Variants in FAM131B observed in about 807,000 individuals in gnomAD.
The protein encoded by FAM131B is protein FAM131B.
In FAM131B, 19 loss-of-function variants were observed where a neutral mutation model predicts 42.0. That is an observed-to-expected ratio of 0.45 (90% CI 0.32 to 0.66). The LOEUF is 0.66. Among genes scored for constraint, FAM131B ranks in the 30% least tolerant of loss-of-function variants. The pLI is 0.05. For missense variants in FAM131B, 370 were observed against 468.4 expected, an observed-to-expected ratio of 0.79 and a Z score of 1.94; for synonymous variants, 183 against 177.6, an observed-to-expected ratio of 1.03 and a Z score of -0.24.
In FAM131B at chr7:143,356,743, G is replaced by T; in HGVS notation, c.890C>A (p.Ala297Glu). The T allele has an allele frequency of 6.2e-7, 1 of 1,614,086 alleles. No individual in the cohort carries two copies. Among genetic ancestry groups the T allele is most frequent in the Non-Finnish European group, 8.5e-7 (1 of 1,180,022 alleles). ...WAPGVGAVDL[A>E]RGPAEEEKRP... ...CTTCTCCTCCTCAGCAGGGCCCCTT[G>T]CCAGGTCCACTGCGCCTACCCCCGG... The change falls in exon 7 of 7, where the codon GCA becomes GAA. Residue 297 changes from alanine (A) to glutamate (E), a missense_variant. Physicochemically the swap from Ala to Glu is moderately radical, Grantham distance 107 (BLOSUM62 -1). Transcript: ENST00000443739. This position sits in a 1 kb window ranked among gnomAD's most constrained non-coding sequence, Gnocchi z 4.4.
chr7:143,356,760 T>G lies in FAM131B; in HGVS notation c.873A>C (p.Val291=). 6.2e-7 allele frequency: 1 copy of G among 1,614,108 alleles called. No homozygotes were observed. Among genetic ancestry groups the G allele is most frequent in the South Asian group, 1.1e-5 (1 of 91,078 alleles). ...LGGDTDWAPG[V]GAVDLARGPA... The stretch of plus-strand genomic sequence containing the variant: ...GGCCCCTTGCCAGGTCCACTGCGCC[T>G]ACCCCCGGAGCCCAGTCAGTGTCTC... Residue 291 remains valine, a synonymous_variant, in exon 7 of 7, where the codon GTA becomes GTC. Coordinates refer to ENST00000443739, the MANE Select transcript of FAM131B (RefSeq NM_001031690.3). The surrounding 1 kb of genome is among the most constrained non-coding windows in gnomAD (Gnocchi z 4.4).
the FAM131B span, among the ~76,000 whole-genome samples, chr7:143,370,334 T>G: frequency 6.6e-6 from 1 of 152,306 alleles, no homozygotes; most frequent in African/African-American, 2.4e-5. Flanking sequence ...TTCACTCTAC[T>G]GAAGCAGCTC....
chr7:143,380,114 C>T, the FAM131B span: 3 of 984,514 alleles, frequency 3.0e-6, no homozygotes, highest in Non-Finnish European at 3.6e-6. This position sits in a 1 kb window ranked among gnomAD's most constrained non-coding sequence, Gnocchi z 5.0. Context: ...TAAAAGCTGA[C>T]AAGAGGAGAG....
upstream of FAM131B, among the ~76,000 whole-genome samples, chr7:143,367,435 G>A (rs967419955): frequency 1.3e-5 from 2 of 152,054 alleles, no homozygotes; most frequent in Admixed American, 6.6e-5. Flanking sequence ...CTCTGGGCAC[G>A]GTGGCCCACA....
In FAM131B at chr7:143,356,281, AAGCCCAC is replaced by A; in HGVS notation, c.*262_*268del. 1 of 478,220 alleles carries A rather than the reference AAGCCCAC, an allele frequency of 2.1e-6. No individual in the cohort carries two copies. The highest frequency in any genetic ancestry group is 3.2e-5 in the South Asian group (1 of 31,244). The allele number at this position is 478,220 out of a possible 1,614,324, so 29.6% of individuals were successfully genotyped here. On this transcript the variant is annotated 3_prime_UTR_variant, in exon 7 of 7. Coordinates refer to ENST00000443739, the MANE Select transcript of FAM131B (RefSeq NM_001031690.3). The surrounding 1 kb of genome is among the most constrained non-coding windows in gnomAD (Gnocchi z 4.4). The stretch of plus-strand genomic sequence containing the variant: ...GGAGGCTTTGTCGGCACAGACCCAG[AAGCCCAC>A]AGCCCAGGTCCTTCTCCACAGCCAC...
At chr7:143,380,098 A>C in the FAM131B span, 1 of 985,318 alleles carries the variant, frequency 1.0e-6, no homozygotes, top group African/African-American at 1.7e-5. This position sits in a 1 kb window ranked among gnomAD's most constrained non-coding sequence, Gnocchi z 5.0. Context: ...AGGCCTCAGG[A>C]GGCAGTAAAA....
chr7:143,363,807 GGT>G (rs1804107908), upstream of FAM131B: 1 of 152,236 alleles, frequency 6.6e-6, no homozygotes, highest in Non-Finnish European at 1.5e-5. Flanking sequence ...GTCTCTCCGA[GGT>G]TGCAGAGAGA....
chr7:143,357,428 G>A lies in FAM131B; in HGVS notation c.467-5C>T, dbSNP rs762111414. On this transcript the variant is annotated splice_region_variant and splice_polypyrimidine_tract_variant and intron_variant, in intron 5 of 6. Transcript: ENST00000443739. ...TAGCAAACTGCTCCATGACGCCTGG[G>A]GGAAGAAATGCAACAACCACAAAAT... The A allele has an allele frequency of 6.2e-7, 1 of 1,602,938 alleles. No homozygotes were observed. The highest frequency in any genetic ancestry group is 8.5e-7 in the Non-Finnish European group (1 of 1,175,278).
In FAM131B at chr7:143,357,260, G is replaced by T; in HGVS notation, c.610+20C>A. ...GAGGCCTCATAGGCTCCAGAGTTTG[G>T]ATTCTGGAACATCTCTCACCCTGAC... On this transcript the variant is annotated intron_variant, in intron 6 of 6. Transcript: ENST00000443739. The T allele has an allele frequency of 6.2e-7, 1 of 1,612,650 alleles. No homozygotes were observed. Among genetic ancestry groups the T allele is most frequent in the South Asian group, 1.1e-5 (1 of 90,768 alleles).
At chr7:143,360,899 A>G (rs951730218) in intron 1 of FAM131B, 1 of 152,168 alleles carries the variant, frequency 6.6e-6, no homozygotes, top group Non-Finnish European at 1.5e-5. Flanking sequence ...CAGGGGAAGG[A>G]GGGTCCTTGT....
In FAM131B at chr7:143,359,644, G is replaced by C; in HGVS notation, c.174+88C>G. 7.7e-7 allele frequency: 1 copy of C among 1,297,768 alleles called. No individual in the cohort carries two copies. The allele number at this position is 1,297,768 out of a possible 1,614,324, so 80.4% of individuals were successfully genotyped here. Reference sequence around the variant, plus strand: ...GCTCACAGTGCCTATTGGAGCCAGGGAATACCGTGCTGGTTGGAAGGTGCA... The same window carrying C: ...GCTCACAGTGCCTATTGGAGCCAGGCAATACCGTGCTGGTTGGAAGGTGCA... On this transcript the variant is annotated intron_variant, in intron 3 of 6. Transcript: ENST00000443739. The surrounding 1 kb of genome is among the most constrained non-coding windows in gnomAD (Gnocchi z 5.4).
rs1803824534 is a variant in FAM131B, at chr7:143,359,101, C to T, written c.269-77G>A. Reference sequence around the variant, plus strand: ...AACCAGACCCTCCCAGTTCCTCCCACCCCAGCCCCATGAGGCTCCATCCCA... The same window carrying T: ...AACCAGACCCTCCCAGTTCCTCCCATCCCAGCCCCATGAGGCTCCATCCCA... On this transcript the variant is annotated intron_variant, in intron 4 of 6. Coordinates refer to ENST00000443739, the MANE Select transcript of FAM131B (RefSeq NM_001031690.3). This position sits in a 1 kb window ranked among gnomAD's most constrained non-coding sequence, Gnocchi z 5.4. 1 of 1,437,466 alleles carries T rather than the reference C, an allele frequency of 7.0e-7. No individual in the cohort carries two copies. Among genetic ancestry groups the T allele is most frequent in the African/African-American group, 1.4e-5 (1 of 71,234 alleles). 89.0% of individuals were successfully genotyped at this position (1,437,466 alleles called of 1,614,324 possible). A position where few individuals can be genotyped will look rare whatever the true frequency, so the allele number is the denominator to read the frequency against.
In FAM131B at chr7:143,362,258, G is replaced by C. The variant is rs1477799159; in HGVS notation, c.28+318C>G. The stretch of plus-strand genomic sequence containing the variant: ...AGAGGCGGATGGCCTGGAGGGGCAG[G>C]GATGAGGGGACCGAGCGTCGGGCCG... On this transcript the variant is annotated intron_variant, in intron 1 of 6. Transcript: ENST00000443739. This position sits in a 1 kb window ranked among gnomAD's most constrained non-coding sequence, Gnocchi z 7.7. Among the ~76,000 whole-genome samples, 1 of 152,124 alleles carries C rather than the reference G, an allele frequency of 6.6e-6. No homozygotes were observed. Among genetic ancestry groups the C allele is most frequent in the Non-Finnish European group, 1.5e-5 (1 of 68,020 alleles).
chr7:143,370,617 G>A, the FAM131B span, among the ~76,000 whole-genome samples: 19 of 152,200 alleles, frequency 1.2e-4, no homozygotes, highest in East Asian at 2.3e-3. Flanking sequence ...TCCCACCAGC[G>A]CCAACAAATG....
chr7:143,381,753 G>C, the FAM131B span: 1 of 1,586,402 alleles, frequency 6.3e-7, no homozygotes, highest in East Asian at 2.3e-5. Context: ...GGCCGGGTGG[G>C]CGAGATTCCC....
At chr7:143,379,763 G>A in the FAM131B span, 3 of 152,244 alleles carry the variant, frequency 2.0e-5, no homozygotes, top group African/African-American at 7.2e-5. Context: ...GACGTTTACA[G>A]ATGGAGCAGG....
the FAM131B span, among the ~76,000 whole-genome samples, chr7:143,374,502 C>T: frequency 6.6e-6 from 1 of 152,228 alleles, no homozygotes; most frequent in Non-Finnish European, 1.5e-5. Flanking sequence ...TGTGACTCTC[C>T]ACACTGCCCC....
chr7:143,369,611 G>A, the FAM131B span, among the ~76,000 whole-genome samples: 3 of 149,486 alleles, frequency 2.0e-5, no homozygotes, highest in Non-Finnish European at 4.4e-5. Flanking sequence ...GGAGGTGGAG[G>A]TTGCAGTGAG....
the FAM131B span, chr7:143,381,468 G>C: frequency 7.6e-7 from 1 of 1,311,462 alleles, no homozygotes; most frequent in South Asian, 2.2e-5. Flanking sequence ...GCGCCGGGAG[G>C]GGGCGAGTGG....
Sources: gnomAD v4.1 joint callset for allele counts (sites outside exome capture counted in the v4.1 genomes callset) on GRCh38, gnomAD v4.1.1 for gene constraint, Gnocchi (gnomAD v3.1) non-coding constraint, MANE v1.5 for transcripts, NCBI Gene and HGNC (gene_info 2026-07-23, HGNC 2026-07-21) for gene names.